Variants in MDN1 observed in about 807,000 individuals in gnomAD.
MDN1 encodes midasin.
A neutral mutation model predicts 669.2 loss-of-function variants in MDN1; 266 were observed. That is an observed-to-expected ratio of 0.40 (90% CI 0.36 to 0.44). The LOEUF (loss-of-function observed/expected upper bound fraction) is 0.44, where lower values mean the gene tolerates loss of function less well. MDN1 is among the 20% of genes least tolerant of loss of function. MDN1 has a pLI of 1.00. For missense variants in MDN1, 5,940 were observed against 6,754.0 expected (o/e 0.88, Z 4.22); for synonymous variants, 2,385 against 2,457.1 (o/e 0.97, Z 0.87).
At chr6:89,769,283 T>A (rs1170434569) in intron 15 of MDN1, among the ~76,000 whole-genome samples, 1 of 152,216 alleles carries the variant, frequency 6.6e-6, no homozygotes. Flanking sequence ...CTACAATGAT[T>A]CTTAAACAAG....
At chr6:89,801,421 G>A (rs571696915) in intron 2 of MDN1, among the ~76,000 whole-genome samples, 7 of 152,188 alleles carry the variant, frequency 4.6e-5, no homozygotes, top group Admixed American at 3.3e-4. Flanking sequence ...GGGAGGTCGA[G>A]GTAGGCAGAT....
intron 72 of MDN1, 36 bp from the exon 73 acceptor site, chr6:89,683,366 A>C: frequency 1.3e-6 from 2 of 1,582,966 alleles, no homozygotes; most frequent in Non-Finnish European, 1.7e-6. Flanking sequence ...AGAAGAAAAA[A>C]ACTGGATTAG....
At chr6:89,665,800 G>A (rs1479482391) in intron 84 of MDN1, among the ~76,000 whole-genome samples, 4 of 152,176 alleles carry the variant, frequency 2.6e-5, no homozygotes, top group Non-Finnish European at 5.9e-5. Context: ...AGCACTTTGG[G>A]AGGCTGAGGC....
intron 2 of MDN1, 33 bp downstream of exon 2, chr6:89,803,295 A>G (rs1374028770): frequency 2.5e-6 from 4 of 1,585,222 alleles, no homozygotes; most frequent in Non-Finnish European, 3.5e-6. Context: ...TATCACCTCA[A>G]GGAGAAATGC....
chr6:89,648,403 A>G (rs1808623450), intron 97 of MDN1, 74 bp from the exon 98 acceptor site: 2 of 1,405,246 alleles, frequency 1.4e-6, no homozygotes, highest in Non-Finnish European at 2.0e-6. Context: ...TATTTTTTGC[A>G]TCAAGATTCC....
Position 89,690,777 on chromosome 6 carries a change from C to T in MDN1, c.10645G>A (p.Glu3549Lys), listed in dbSNP as rs1221463326. ...CTCCTGTATCTATACAGGCCGCTTTCCTGCTCAGCCTTCTCTTGGGCTATG... is the reference window on the plus strand; with the variant it reads ...CTCCTGTATCTATACAGGCCGCTTTTCTGCTCAGCCTTCTCTTGGGCTATG... Reference protein sequence around the residue: ...ERIAQEKAEQESGLYRYRSRN... With the variant: ...ERIAQEKAEQKSGLYRYRSRN... The change falls in exon 64 of 102, where the codon GAA becomes AAA. Residue 3549 changes from glutamate (E) to lysine (K), a missense_variant. Coordinates refer to ENST00000369393, the MANE Select transcript of MDN1 (RefSeq NM_014611.3). 5 of 1,614,158 alleles carry T rather than the reference C, an allele frequency of 3.1e-6. No individual in the cohort carries two copies. Among genetic ancestry groups the T allele is most frequent in the Admixed American group, 3.3e-5 (2 of 60,028 alleles).
intron 22 of MDN1, among the ~76,000 whole-genome samples, chr6:89,753,290 A>G (rs904351058): frequency 6.6e-6 from 1 of 152,216 alleles, no homozygotes; most frequent in Non-Finnish European, 1.5e-5. Flanking sequence ...TATACATTAT[A>G]CAATTTATCT....
At position 89,654,173 on chromosome 6, in the gene MDN1, C is replaced by T; in HGVS notation, c.15652G>A (p.Ala5218Thr). The T allele has an allele frequency of 6.2e-7, 1 of 1,614,194 alleles. No homozygotes were observed. Among genetic ancestry groups the T allele is most frequent in the Non-Finnish European group, 8.5e-7 (1 of 1,180,030 alleles). Residue 5218 changes from alanine (A) to threonine (T), a missense_variant, in exon 93 of 102, where the codon GCA becomes ACA. By Grantham distance (58) the Ala-to-Thr change is moderately conservative (BLOSUM62 0). Around this residue, in one of 5 missense-constraint regions of MDN1, gnomAD observed 2,280 missense variants for 2,576.3 expected, o/e 0.88. Transcript: ENST00000369393. ...KPEEIKSGTT[A>T]PLGFDEMEVE... The stretch of plus-strand genomic sequence containing the variant: ...CACTAGCAGGACTCACCCAAGGGTG[C>T]TGTGGTGCCCGACTTGATTTCCTCT...
rs529050379 is a variant in MDN1, at chr6:89,802,409, G to A, written c.329+919C>T. ...ATATAAGAAATGTTCTGTTGGCCGG[G>A]CACAGTGGCTCACGCCTGTAATCCC... On this transcript the variant is annotated intron_variant, in intron 2 of 101. Transcript: ENST00000369393. 9.8e-5 allele frequency among the ~76,000 whole-genome samples: 15 copies of A among 152,346 alleles called. No homozygotes were observed. In the South Asian group the frequency reaches 3.1e-3, roughly 32 times the overall value.
At chr6:89,768,665 A>C (rs898358718) in intron 15 of MDN1, among the ~76,000 whole-genome samples, 3 of 152,126 alleles carry the variant, frequency 2.0e-5, no homozygotes, top group Non-Finnish European at 4.4e-5. Flanking sequence ...TGAGCCTAGG[A>C]GGTACAGGCT....
intron 55 of MDN1, among the ~76,000 whole-genome samples, chr6:89,701,254 A>T (rs1178448739): frequency 6.6e-6 from 1 of 152,242 alleles, no homozygotes; most frequent in East Asian, 1.9e-4. Context: ...GCAATACAGT[A>T]TAATCACTAT....
chr6:89,774,631 G>T lies in MDN1; in HGVS notation c.1924C>A (p.His642Asn). The change falls in exon 13 of 102, where the codon CAC becomes AAC. Residue 642 changes from histidine to asparagine, a missense_variant. By Grantham distance (68) the His-to-Asn change is moderately conservative. This residue lies in a region of MDN1 where 1,203 missense variants were observed against 1,268.9 expected (regional missense o/e 0.95). Coordinates refer to ENST00000369393, the MANE Select transcript of MDN1 (RefSeq NM_014611.3). ...TAGAGCCCTACTTACCTCTGTAGGT[G>T]AACAGCCTCACTTTGTTTCCGTAGA... ...RLLRKQSEAV[H>N]LQREKFTFAA... is the part of the protein sequence containing the mutation. The T allele has an allele frequency of 1.9e-6, 3 of 1,612,578 alleles. No homozygotes were observed. The South Asian group carries it at 3.3e-5, about 18-fold the overall frequency.
At chr6:89,761,334 C>A (rs1015244668) in intron 17 of MDN1, among the ~76,000 whole-genome samples, 12 of 152,114 alleles carry the variant, frequency 7.9e-5, no homozygotes, top group African/African-American at 2.7e-4. Context: ...CTACAAAAAA[C>A]GGTATTTGAG....
At chr6:89,672,157 T>G in intron 82 of MDN1, 43 bp downstream of exon 82, 1 of 1,524,204 alleles carries the variant, frequency 6.6e-7, no homozygotes, top group Non-Finnish European at 8.7e-7. Context: ...CTTTGCTCAG[T>G]GCATTCTGAA....
At chr6:89,718,281 C>T (rs1379610048) in intron 43 of MDN1, 85 bp downstream of exon 43, 5 of 1,389,216 alleles carry the variant, frequency 3.6e-6, no homozygotes, top group Non-Finnish European at 4.9e-6. Context: ...TAAATTAATA[C>T]AAAACATTTG....
intron 35 of MDN1, among the ~76,000 whole-genome samples, chr6:89,729,456 A>G (rs958373063): frequency 6.6e-6 from 1 of 152,176 alleles, no homozygotes; most frequent in Non-Finnish European, 1.5e-5. Context: ...ATGTACTTGT[A>G]CAATTTACCT....
At chr6:89,800,914 A>G (rs1056923831) in intron 2 of MDN1, among the ~76,000 whole-genome samples, 11 of 152,196 alleles carry the variant, frequency 7.2e-5, no homozygotes, top group Admixed American at 2.0e-4. Context: ...ATTGATAGAT[A>G]TAGGTAAAAA....
At chr6:89,714,870 C>T in intron 45 of MDN1, 119 bp from the exon 46 acceptor site, 2 of 791,686 alleles carry the variant, frequency 2.5e-6, no homozygotes, top group Non-Finnish European at 2.0e-6. Context: ...AGAATTCACA[C>T]CAAGGATCTT....
intron 1 of MDN1, among the ~76,000 whole-genome samples, chr6:89,809,860 A>G (rs1226698448): frequency 1.4e-5 from 2 of 145,766 alleles, no homozygotes; most frequent in African/African-American, 5.1e-5. Flanking sequence ...TTGGTGGTGT[A>G]TGCCTGTAGT....
Sources: allele counts gnomAD v4.1 joint callset (sites outside exome capture counted in the v4.1 genomes callset), GRCh38; gene constraint gnomAD v4.1.1; regional missense constraint gnomAD v4.1.1; transcripts MANE v1.5; gene names NCBI Gene and HGNC (gene_info 2026-07-23, HGNC 2026-07-21).